RNF213: variants seen among roughly 807,000 people sequenced by gnomAD.
RNF213 encodes E3 ubiquitin-protein ligase RNF213.
In RNF213, 341 loss-of-function variants were observed where a neutral mutation model predicts 514.4. The observed-to-expected ratio is 0.66, with a 90% CI of 0.61 to 0.73. The LOEUF is 0.73. Among genes scored for constraint, RNF213 ranks in the 30% least tolerant of loss-of-function variants. RNF213 has a pLI of 0.00. For synonymous variants in RNF213, 2,655 were observed against 2,658.2 expected (o/e 1.00, Z 0.04); for missense variants, 5,767 against 6,615.6 (o/e 0.87, Z 4.45).
At chr17:80,282,249 G>A (rs2044329009) in intron 3 of RNF213, among the ~76,000 whole-genome samples, 1 of 152,146 alleles carries the variant, frequency 6.6e-6, no homozygotes, top group African/African-American at 2.4e-5. Flanking sequence ...ACACGGTGCG[G>A]TGTTGCTCTT....
Position 80,347,595 on chromosome 17 carries a change from T to C in RNF213, c.9260T>C (p.Ile3087Thr). The C allele has an allele frequency of 6.2e-7, 1 of 1,614,124 alleles. No homozygotes were observed. Residue 3087 changes from isoleucine (I) to threonine (T), a missense_variant, in exon 29 of 68, where the codon ATC becomes ACC. By Grantham distance (89) the Ile-to-Thr change is moderately conservative. Coordinates refer to ENST00000582970, the MANE Select transcript of RNF213 (RefSeq NM_001256071.3). This position sits in a 1 kb window ranked among gnomAD's most constrained non-coding sequence, Gnocchi z 7.2. ...GAGTACACCCAGCTCTGCAGAAACA[T>C]CAATCGTGTGAAGATCTGCATGGAA... is the stretch of plus-strand genomic sequence containing the variant. ...DQEYTQLCRN[I>T]NRVKICMETG... is the part of the protein sequence containing the mutation.
At chr17:80,289,561 G>T (rs1051627041) in intron 5 of RNF213, 98 bp from the exon 6 acceptor site, 45 of 1,361,264 alleles carry the variant, frequency 3.3e-5, no homozygotes, top group Admixed American at 2.0e-5. Context: ...CTGCACTCCA[G>T]CCTTGGTAAT....
At position 80,363,784 on chromosome 17, in the gene RNF213, A is replaced by G. The variant is rs61740658; in HGVS notation, c.11744A>G (p.Glu3915Gly). ...SGSLAQAVIR[E>G]VRAQWSRIFS... ...AGCCTGGCCCAGGCTGTCATCAGGG[A>G]AGTCAGGTGAGACCCAGGAGCCCTC... The change falls in exon 41 of 68, where the codon GAA becomes GGA. Residue 3915 changes from glutamate (E) to glycine (G), a missense_variant. Glu to Gly is a moderately conservative substitution (Grantham distance 98). Around this residue, in one of 13 missense-constraint regions of RNF213, gnomAD observed 355 missense variants for 358.0 expected, o/e 0.99. Transcript: ENST00000582970. 0.08 allele frequency: 129,408 copies of G among 1,612,692 alleles called. 5,624 individuals carry two copies. The highest frequency in any genetic ancestry group is 0.15 in the Middle Eastern group (849 of 5,706).
At position 80,288,347 on chromosome 17, in the gene RNF213, G is replaced by C. The variant is rs1180914121; in HGVS notation, c.794G>C (p.Gly265Ala). 1.2e-6 allele frequency: 2 copies of C among 1,612,360 alleles called. No homozygotes were observed. The highest frequency in any genetic ancestry group is 1.3e-5 in the African/African-American group (1 of 74,932). The part of the protein sequence containing the change: ...TELQTTEQQA[G>A]ASASMAVDAV... ...CTGCAGACCACCGAGCAACAGGCAG[G>C]GGCCTCAGCCTCTATGGTGAGTCAT... Residue 265 changes from glycine (G) to alanine (A), a missense_variant, in exon 4 of 68, where the codon GGG becomes GCG. Physicochemically the swap from Gly to Ala is moderately conservative, Grantham distance 60 (BLOSUM62 0). Transcript: ENST00000582970. This position sits in a 1 kb window ranked among gnomAD's most constrained non-coding sequence, Gnocchi z 4.9.
At position 80,326,024 on chromosome 17, in the gene RNF213, T is replaced by G. The variant is rs1434813614; in HGVS notation, c.3193+826T>G. ...CCCAGGCTGGAGTGCAGTGCTGTGA[T>G]CTCAGCTCACTGCAACCTCTGCCTC... On this transcript the variant is annotated intron_variant, in intron 18 of 67. Coordinates refer to ENST00000582970, the MANE Select transcript of RNF213 (RefSeq NM_001256071.3). Among the ~76,000 whole-genome samples the G allele has an allele frequency of 2.6e-5, 4 of 152,138 alleles. No homozygotes were observed. In the East Asian group the frequency reaches 5.8e-4, roughly 22 times the overall value.
chr17:80,378,843 C>T (rs372675937), intron 54 of RNF213, among the ~76,000 whole-genome samples: 1 of 152,066 alleles, frequency 6.6e-6, no homozygotes, highest in African/African-American at 2.4e-5. Flanking sequence ...GAAAAATAAG[C>T]CTTTGGAAGT....
intron 36 of RNF213, among the ~76,000 whole-genome samples, chr17:80,356,811 A>T (rs1168838655): frequency 6.6e-6 from 1 of 152,204 alleles, no homozygotes; most frequent in Non-Finnish European, 1.5e-5. Flanking sequence ...TAGACATTTT[A>T]AAATTCTTGC....
chr17:80,359,437 T>C (rs569218059), intron 37 of RNF213, among the ~76,000 whole-genome samples: 4 of 141,380 alleles, frequency 2.8e-5, no homozygotes, highest in East Asian at 2.1e-4. Context: ...GGCGGGAGGA[T>C]TGCTTGAGCC....
In RNF213 at chr17:80,377,023, C is replaced by A; in HGVS notation, c.13510+60C>A. On this transcript the variant is annotated intron_variant, in intron 53 of 67. Coordinates refer to ENST00000582970, the MANE Select transcript of RNF213 (RefSeq NM_001256071.3). This position sits in a 1 kb window ranked among gnomAD's most constrained non-coding sequence, Gnocchi z 4.1. ...TTGAGCTTCAAAGGGTGTCCAGATG[C>A]TATGAAGCATTGGGTTCGACTTGGG... 2 of 1,353,640 alleles carry A rather than the reference C, an allele frequency of 1.5e-6. No individual in the cohort carries two copies. Among genetic ancestry groups the A allele is most frequent in the Non-Finnish European group, 2.1e-6 (2 of 951,188 alleles). 83.9% of individuals were successfully genotyped at this position (1,353,640 alleles called of 1,614,324 possible).
chr17:80,331,471 C>T (rs892373212), intron 20 of RNF213, among the ~76,000 whole-genome samples: 1 of 151,678 alleles, frequency 6.6e-6, no homozygotes, highest in Non-Finnish European at 1.5e-5. Context: ...TCACTGCAAC[C>T]TCCACCTCCC....
At chr17:80,358,544 C>A in intron 37 of RNF213, 65 bp downstream of exon 37, 1 of 1,442,352 alleles carries the variant, frequency 6.9e-7, no homozygotes, top group Non-Finnish European at 9.7e-7. Flanking sequence ...CCCTAATATG[C>A]TCTCCCAAGT....
chr17:80,288,444 T>C lies in RNF213; in HGVS notation c.810+81T>C. On this transcript the variant is annotated intron_variant, in intron 4 of 67. Coordinates refer to ENST00000582970, the MANE Select transcript of RNF213 (RefSeq NM_001256071.3). The surrounding 1 kb of genome is among the most constrained non-coding windows in gnomAD (Gnocchi z 4.9). ...CTCTGCTGCAAGGTGCTGGCGTTGC[T>C]TCCCTGCCGGGGGGAGGGGCGTCCT... 1 of 1,598,392 alleles carries C rather than the reference T, an allele frequency of 6.3e-7. No homozygotes were observed. The highest frequency in any genetic ancestry group is 8.5e-7 in the Non-Finnish European group (1 of 1,171,902).
chr17:80,372,704 G>C lies in RNF213; in HGVS notation c.12721G>C (p.Asp4241His), dbSNP rs1296131165. Residue 4241 changes from aspartate (D) to histidine (H), a missense_variant, in exon 48 of 68, where the codon GAT becomes CAT. Coordinates refer to ENST00000582970, the MANE Select transcript of RNF213 (RefSeq NM_001256071.3). ...RIRLCLDRAA[D>H]FLSEPEGGPE... ...CCGCCTCTGCCTCGACAGAGCTGCA[G>C]ATTTCCTCTCGGAGCCTGAGGGAGG... is the stretch of plus-strand genomic sequence containing the variant. 6.2e-7 allele frequency: 1 copy of C among 1,613,728 alleles called. No individual in the cohort carries two copies. Among genetic ancestry groups the C allele is most frequent in the African/African-American group, 1.3e-5 (1 of 74,936 alleles).
intron 64 of RNF213, 83 bp from the exon 65 acceptor site, chr17:80,389,090 G>C (rs563711135): frequency 7.3e-7 from 1 of 1,365,724 alleles, no homozygotes; most frequent in African/African-American, 1.4e-5. Context: ...CTTGGGCAGT[G>C]AAGGGGCTCG....
chr17:80,365,769 G>A (rs1394625159), intron 42 of RNF213, among the ~76,000 whole-genome samples: 1 of 152,154 alleles, frequency 6.6e-6, no homozygotes, highest in Non-Finnish European at 1.5e-5. Flanking sequence ...ACAGCATGCA[G>A]CCTCTCCAAG....
At chr17:80,363,821 C>G in intron 41 of RNF213, 31 bp downstream of exon 41, 1 of 1,603,692 alleles carries the variant, frequency 6.2e-7, no homozygotes, top group Non-Finnish European at 8.5e-7. Flanking sequence ...CCCACTGCTT[C>G]ATCTGGCGCG....
rs202116232 is a variant in RNF213, at chr17:80,347,021, C to G, written c.8686C>G (p.Arg2896Gly). Residue 2896 changes from arginine to glycine, a missense_variant, in exon 29 of 68, where the codon CGG becomes GGG. Arg to Gly is a moderately radical substitution (Grantham distance 125). This residue lies in a region of RNF213 where 919 missense variants were observed against 1,121.0 expected (regional missense o/e 0.82). Coordinates refer to ENST00000582970, the MANE Select transcript of RNF213 (RefSeq NM_001256071.3). This position sits in a 1 kb window ranked among gnomAD's most constrained non-coding sequence, Gnocchi z 7.2. ...NWALDPAKMN[R>G]GIFVSRGSPN... ...GGCCCTTGACCCTGCCAAGATGAAC[C>G]GGGGCATTTTTGTGTCACGTGGCAG... 6.2e-7 allele frequency: 1 copy of G among 1,613,820 alleles called. No individual in the cohort carries two copies.
intron 59 of RNF213, 140 bp downstream of exon 59, chr17:80,384,068 A>C (rs547393179): frequency 3.8e-6 from 4 of 1,060,004 alleles, no homozygotes; most frequent in African/African-American, 1.6e-5. Flanking sequence ...ATGTAGCAGA[A>C]GACTCAGGGC....
At chr17:80,378,077 C>A (rs972219755) in intron 54 of RNF213, among the ~76,000 whole-genome samples, 2 of 152,172 alleles carry the variant, frequency 1.3e-5, no homozygotes, top group African/African-American at 4.8e-5. Flanking sequence ...TCCCTGGATG[C>A]CAGGAGCACC....
Sources: gnomAD v4.1 joint callset for allele counts (sites outside exome capture counted in the v4.1 genomes callset) on GRCh38, gnomAD v4.1.1 for gene constraint, gnomAD v4.1.1 regional missense constraint, Gnocchi (gnomAD v3.1) non-coding constraint, MANE v1.5 for transcripts, NCBI Gene and HGNC (gene_info 2026-07-23, HGNC 2026-07-21) for gene names.